Variants in BACH1 observed in about 807,000 individuals in gnomAD.
The protein encoded by BACH1 is transcription regulator protein BACH1.
Under a neutral mutation model 52.9 loss-of-function variants are expected in BACH1, and 35 were observed. The observed-to-expected ratio is 0.66, with a 90% confidence interval of 0.51 to 0.88. BACH1 has a LOEUF of 0.88. BACH1 is among the 40% of genes least tolerant of loss of function. The pLI, the probability that BACH1 is intolerant of heterozygous loss-of-function variation, is 0.00. For missense variants in BACH1, 808 were observed against 872.6 expected (o/e 0.93, Z 0.93); for synonymous variants, 321 against 319.6 (o/e 1.00, Z -0.05).
chr21:29,350,115 C>A (rs1481061875), downstream of BACH1, among the ~76,000 whole-genome samples: 1 of 152,146 alleles, frequency 6.6e-6, no homozygotes, highest in East Asian at 1.9e-4. Context: ...AAACCTCTTA[C>A]CCAGACCAAC....
At chr21:29,333,949 GA>G (rs2089014302) in intron 4 of BACH1, among the ~76,000 whole-genome samples, 1 of 152,124 alleles carries the variant, frequency 6.6e-6, no homozygotes, top group Admixed American at 6.5e-5. Flanking sequence ...TTATTTGGTG[GA>G]AAAATGGATG....
intron 4 of BACH1, among the ~76,000 whole-genome samples, chr21:29,334,145 G>A (rs544326442): frequency 6.7e-6 from 1 of 148,292 alleles, no homozygotes; most frequent in South Asian, 2.1e-4. Context: ...CGCTCTTTTC[G>A]CCCAGGCTGG....
At chr21:29,310,448 C>T (rs1406915828) in intron 1 of BACH1, among the ~76,000 whole-genome samples, 2 of 152,172 alleles carry the variant, frequency 1.3e-5, no homozygotes, top group East Asian at 3.8e-4. Flanking sequence ...TCTGGACATA[C>T]TGAATTGGTG....
intron 4 of BACH1, among the ~76,000 whole-genome samples, chr21:29,340,087 A>G (rs2089094238): frequency 6.6e-6 from 1 of 152,266 alleles, no homozygotes; most frequent in Non-Finnish European, 1.5e-5. Context: ...TTGTAGGGAT[A>G]GGTAGCAGGA....
chr21:29,313,133 T>C (rs1343397578), intron 1 of BACH1, among the ~76,000 whole-genome samples: 1 of 152,074 alleles, frequency 6.6e-6, no homozygotes, highest in Non-Finnish European at 1.5e-5. Context: ...TTGGGCTGCA[T>C]TGGAAGAATT....
rs892215513 is a variant in BACH1 at position 29,345,014 on chromosome 21, A to G, written c.*2181A>G. 11 of 152,638 alleles carry G rather than the reference A, an allele frequency of 7.2e-5. No individual in the cohort carries two copies. The highest frequency in any genetic ancestry group is 1.9e-4 in the African/African-American group (8 of 41,454). The allele number at this position is 152,638 out of a possible 1,614,324, so 9.5% of individuals were successfully genotyped here. ...TCTCTCTACCTATAAACAGTTTAGC[A>G]TTAAGGGTTTCTATTAATGACACAG... is the stretch of plus-strand genomic sequence containing the variant. On this transcript the variant is annotated 3_prime_UTR_variant, in exon 5 of 5. Coordinates refer to ENST00000286800, the MANE Select transcript of BACH1 (RefSeq NM_001186.4).
chr21:29,301,334 C>G (rs1197425642), intron 1 of BACH1, among the ~76,000 whole-genome samples: 1 of 152,164 alleles, frequency 6.6e-6, no homozygotes, highest in South Asian at 2.1e-4. Context: ...TTATATAATG[C>G]GCGTGCATGT....
intron 1 of BACH1, among the ~76,000 whole-genome samples, chr21:29,306,981 G>A (rs1190479270): frequency 6.6e-6 from 1 of 151,942 alleles, no homozygotes; most frequent in African/African-American, 2.4e-5. Flanking sequence ...TCAGGGAGAG[G>A]AGAACATATA....
At chr21:29,359,205 C>CT (rs1284922239) in intron 2 of BACH1, 3 of 151,960 alleles carry the variant, frequency 2.0e-5, no homozygotes, top group African/African-American at 7.3e-5. Flanking sequence ...TCTACTCAAA[C>CT]TAAGATTTGA....
intron 2 of BACH1, among the ~76,000 whole-genome samples, chr21:29,324,644 TGGCTATCACAAATA>T (rs2088889770): frequency 6.6e-6 from 1 of 151,966 alleles, no homozygotes; most frequent in African/African-American, 2.4e-5. Context: ...TTCTGGTTTT[TGGCTATCACAAATA>T]AAATTGCTGT....
chr21:29,348,215 G>A (rs117213), downstream of BACH1, among the ~76,000 whole-genome samples: 108,835 of 152,004 alleles, frequency 0.72, 40,552 homozygotes, highest in African/African-American at 0.92. Flanking sequence ...TGTAGCTGGA[G>A]TTGTCTTTAA....
At chr21:29,309,598 G>T (rs1311854564) in intron 1 of BACH1, among the ~76,000 whole-genome samples, 1 of 152,096 alleles carries the variant, frequency 6.6e-6, no homozygotes, top group Non-Finnish European at 1.5e-5. Flanking sequence ...TTTTTAATTG[G>T]AAATTCTTTA....
intron 1 of BACH1, among the ~76,000 whole-genome samples, chr21:29,318,917 G>A (rs2088817880): frequency 1.3e-5 from 2 of 151,982 alleles, no homozygotes; most frequent in Admixed American, 6.6e-5. Context: ...CCACATTGCT[G>A]CAGTGAATCT....
intron 1 of BACH1, chr21:29,300,149 A>T (rs1396732170): frequency 6.6e-6 from 1 of 152,164 alleles, no homozygotes; most frequent in Non-Finnish European, 1.5e-5. Context: ...GGACATCTTG[A>T]AGAAGCTTAG....
chr21:29,309,257 CA>C (rs3054257), intron 1 of BACH1, among the ~76,000 whole-genome samples: 9,710 of 91,756 alleles, frequency 0.11, 258 homozygotes, highest in Non-Finnish European at 0.12. Flanking sequence ...GACTCTGTCT[CA>C]AAAAAAAAAA....
At chr21:29,333,488 G>T (rs923244415) in intron 4 of BACH1, among the ~76,000 whole-genome samples, 1 of 152,158 alleles carries the variant, frequency 6.6e-6, no homozygotes, top group African/African-American at 2.4e-5. Context: ...GAAATTGCTT[G>T]TTTAATAATT....
intron 4 of BACH1, among the ~76,000 whole-genome samples, chr21:29,338,462 T>G (rs1207577584): frequency 6.6e-6 from 1 of 152,120 alleles, no homozygotes; most frequent in South Asian, 2.1e-4. Context: ...CAGCCTTGAC[T>G]TCTTGGGATC....
rs1247702902 is a variant in BACH1 at position 29,345,065 on chromosome 21, A to C, written c.*2232A>C. 2 of 152,662 alleles carry C rather than the reference A, an allele frequency of 1.3e-5. No homozygotes were observed. The highest frequency in any genetic ancestry group is 4.8e-5 in the African/African-American group (2 of 41,458). 9.5% of individuals were successfully genotyped at this position (152,662 alleles called of 1,614,324 possible). On this transcript the variant is annotated 3_prime_UTR_variant, in exon 5 of 5. Transcript: ENST00000286800. Reference sequence around the variant, plus strand: ...AATTATTGGCCAAGTGTAATTTCTTAAAATTTAGCATTACTTTAAATAGCC... The same window carrying C: ...AATTATTGGCCAAGTGTAATTTCTTCAAATTTAGCATTACTTTAAATAGCC...
intron 2 of BACH1, 23 bp from the exon 3 acceptor site, chr21:29,326,036 G>A (rs375336154): frequency 1.8e-5 from 29 of 1,567,652 alleles, no homozygotes; most frequent in Non-Finnish European, 2.4e-5. Context: ...TGATGTGTTT[G>A]TTTTTATTTT....
Sources: gnomAD v4.1 joint callset for allele counts (sites outside exome capture counted in the v4.1 genomes callset) on GRCh38, gnomAD v4.1.1 for gene constraint, MANE v1.5 for transcripts, NCBI Gene and HGNC (gene_info 2026-07-23, HGNC 2026-07-21) for gene names.